TLK1: variants seen among roughly 807,000 people sequenced by gnomAD.
TLK1 encodes the protein tousled like kinase 1, also known as serine/threonine-protein kinase tousled-like 1.
In TLK1, 24 loss-of-function variants were observed where a neutral mutation model predicts 105.3. The ratio of observed to expected loss-of-function variants is 0.23; its 90% CI spans 0.17 to 0.32. The LOEUF (loss-of-function observed/expected upper bound fraction) is 0.32, where lower values mean the gene tolerates loss of function less well. Ranked by LOEUF, TLK1 falls within the 10% of genes least tolerant of loss-of-function variation. TLK1 has a pLI of 1.00. For missense variants in TLK1, 558 were observed against 910.5 expected (o/e 0.61, Z 4.98); for synonymous variants, 321 against 310.4 (o/e 1.03, Z -0.36).
chr2:171,123,219 C>T (rs1382064425), intron 1 of TLK1, among the ~76,000 whole-genome samples: 3 of 152,012 alleles, frequency 2.0e-5, no homozygotes, highest in Admixed American at 6.6e-5. Flanking sequence ...TGTTTTGAGA[C>T]GGAGTCTTGC....
intron 1 of TLK1, among the ~76,000 whole-genome samples, chr2:171,175,919 GTTTT>G: frequency 6.7e-6 from 1 of 148,522 alleles, no homozygotes; most frequent in Non-Finnish European, 1.5e-5. Context: ...GGATATCAAG[GTTTT>G]TTTTTTGTTT....
At position 171,014,960 on chromosome 2, in the gene TLK1, G is replaced by C. The variant is rs1362863062; in HGVS notation, c.1237-12C>G. 4 of 1,593,814 alleles carry C rather than the reference G, an allele frequency of 2.5e-6. No individual in the cohort carries two copies. Among genetic ancestry groups the C allele is most frequent in the East Asian group, 2.2e-5 (1 of 44,768 alleles). ...ATTTCTGCCTCTTCCTGAAAATGAA[G>C]AGAGGGGACTATAACAAGCTCAATT... On this transcript the variant is annotated splice_polypyrimidine_tract_variant and intron_variant, in intron 12 of 20. Transcript: ENST00000431350.
chr2:171,143,003 C>G (rs562118883), intron 1 of TLK1, among the ~76,000 whole-genome samples: 42 of 152,258 alleles, frequency 2.8e-4, no homozygotes, highest in African/African-American at 1.0e-3. Context: ...CACTTGAACT[C>G]AGAGACAGAA....
At chr2:171,022,528 C>T (rs1199899794) in intron 12 of TLK1, among the ~76,000 whole-genome samples, 2 of 152,086 alleles carry the variant, frequency 1.3e-5, no homozygotes, top group Non-Finnish European at 2.9e-5. Context: ...TCCCAGAATT[C>T]CACTGAAAAC....
rs183581496 is a variant in TLK1, at chr2:171,006,108, C to T, written c.1904+39G>A. The T allele has an allele frequency of 3.4e-3, 4,946 of 1,472,128 alleles. 29 individuals are homozygous for T. Among genetic ancestry groups the T allele is most frequent in the Non-Finnish European group, 3.8e-3 (4,265 of 1,110,088 alleles). 91.2% of individuals were successfully genotyped at this position (1,472,128 alleles called of 1,614,324 possible). A position where few individuals can be genotyped will look rare whatever the true frequency, so the allele number is the denominator to read the frequency against. On this transcript the variant is annotated intron_variant, in intron 18 of 20. Transcript: ENST00000431350. ...TAAATTATTATAAAAGCACTGGGCA[C>T]CAATCTAGACATTCTGATGTTTTTA...
At chr2:171,085,390 CAA>C (rs955897414) in intron 2 of TLK1, among the ~76,000 whole-genome samples, 2 of 136,526 alleles carry the variant, frequency 1.5e-5, no homozygotes, top group African/African-American at 2.7e-5. Context: ...AACTCCATCT[CAA>C]AAAAAAAAAG....
intron 2 of TLK1, among the ~76,000 whole-genome samples, chr2:171,093,320 G>A (rs1459626436): frequency 6.6e-6 from 1 of 152,172 alleles, no homozygotes; most frequent in Non-Finnish European, 1.5e-5. Context: ...GTTGAAGAGG[G>A]ACACAGGAGG....
Position 171,149,099 on chromosome 2 carries a change from CTTTTTTTTTTTTT to C in TLK1, c.139+11178_139+11190del, listed in dbSNP as rs11335300. 3.1e-4 allele frequency among the ~76,000 whole-genome samples: 18 copies of C among 57,892 alleles called. No individual in the cohort carries two copies. In the South Asian group the frequency reaches 0.011, roughly 35 times the overall value. The allele number at this position is 57,892 out of a possible 152,430, so 38.0% of individuals were successfully genotyped here. The stretch of plus-strand genomic sequence containing the variant: ...ATTTTTCATCCTTTGAATTACTTTT[CTTTTTTTTTTTTT>C]TTTTTTTTTTTAACATTTCTAAGAT... On this transcript the variant is annotated intron_variant, in intron 1 of 20. Coordinates refer to ENST00000431350, the MANE Select transcript of TLK1 (RefSeq NM_012290.5).
At chr2:171,100,584 C>A (rs902019332) in intron 2 of TLK1, among the ~76,000 whole-genome samples, 2 of 152,092 alleles carry the variant, frequency 1.3e-5, no homozygotes, top group Non-Finnish European at 2.9e-5. Flanking sequence ...GCTAAATAAG[C>A]CTCTTTCTTT....
chr2:171,180,950 T>C (rs1692919324), intron 1 of TLK1, among the ~76,000 whole-genome samples: 1 of 151,984 alleles, frequency 6.6e-6, no homozygotes, highest in African/African-American at 2.4e-5. Context: ...CTTTAAAATA[T>C]GATTAACTCT....
At chr2:171,141,548 A>G (rs992903719) in intron 1 of TLK1, among the ~76,000 whole-genome samples, 5 of 152,038 alleles carry the variant, frequency 3.3e-5, no homozygotes, top group African/African-American at 1.2e-4. Context: ...CCACTCCAAC[A>G]AAAACAAAAA....
chr2:171,049,478 CTAGGAAA>C (rs1484832411), intron 10 of TLK1, among the ~76,000 whole-genome samples: 1 of 151,950 alleles, frequency 6.6e-6, no homozygotes, highest in Non-Finnish European at 1.5e-5. Flanking sequence ...TAGGAAAATC[CTAGGAAA>C]TAAACACACA....
chr2:171,086,638 C>CAAAAAA (rs35913328), intron 2 of TLK1, among the ~76,000 whole-genome samples: 1 of 108,940 alleles, frequency 9.2e-6, no homozygotes, highest in African/African-American at 4.2e-5. Context: ...AAAAAACAAA[C>CAAAAAA]AAAAAAAAAA....
intron 7 of TLK1, chr2:171,054,057 C>G (rs930620525): frequency 1.3e-5 from 5 of 399,854 alleles, no homozygotes; most frequent in Admixed American, 4.5e-5. Flanking sequence ...TCTAGAAAGG[C>G]CAATTACTTA....
chr2:171,028,545 A>T lies in TLK1; in HGVS notation c.1170-140T>A, dbSNP rs1685887652. 1.5e-5 allele frequency: 9 copies of T among 589,266 alleles called. No homozygotes were observed. In the East Asian group the frequency reaches 2.6e-4, roughly 17 times the overall value. The allele number at this position is 589,266 out of a possible 1,614,324, so 36.5% of individuals were successfully genotyped here. A position where few individuals can be genotyped will look rare whatever the true frequency, so the allele number is the denominator to read the frequency against. On this transcript the variant is annotated intron_variant, in intron 11 of 20. Transcript: ENST00000431350. ...AAATGTATGAGCCAAAAATCCTTTG[A>T]GATATTCTTCAGAATATATTTAATA...
Position 171,123,086 on chromosome 2 carries a change from ACTT to A in TLK1, c.140-5232_140-5230del, listed in dbSNP as rs1295961638. Among the ~76,000 whole-genome samples, 6 of 151,178 alleles carry A rather than the reference ACTT, an allele frequency of 4.0e-5. No individual in the cohort carries two copies. In the East Asian group the frequency reaches 7.8e-4, roughly 20 times the overall value. Reference sequence around the variant, plus strand: ...CACACACACACACACACACACACACACTTCTTTTTTTAATAAAAGTTTGCTAAT... The same window carrying A: ...CACACACACACACACACACACACACACTTTTTTTAATAAAAGTTTGCTAAT... On this transcript the variant is annotated intron_variant, in intron 1 of 20. Transcript: ENST00000431350.
intron 11 of TLK1, among the ~76,000 whole-genome samples, chr2:171,030,637 C>T (rs1685994704): frequency 6.6e-6 from 1 of 152,130 alleles, no homozygotes; most frequent in Admixed American, 6.5e-5. Flanking sequence ...GCCTATGATA[C>T]TGCTATTATA....
At chr2:171,064,057 G>C (rs1209343438) in intron 3 of TLK1, among the ~76,000 whole-genome samples, 1 of 152,052 alleles carries the variant, frequency 6.6e-6, no homozygotes, top group Non-Finnish European at 1.5e-5. Context: ...CAGTCCATTG[G>C]CAAAAATGTC....
At chr2:171,158,952 T>C (rs903971147) in intron 1 of TLK1, among the ~76,000 whole-genome samples, 5 of 152,254 alleles carry the variant, frequency 3.3e-5, no homozygotes, top group Admixed American at 3.3e-4. Context: ...GTGAATTTTC[T>C]AGAGCATATT....
Sources: allele counts gnomAD v4.1 joint callset (sites outside exome capture counted in the v4.1 genomes callset), GRCh38; gene constraint gnomAD v4.1.1; transcripts MANE v1.5; gene names NCBI Gene and HGNC (gene_info 2026-07-23, HGNC 2026-07-21).